SORT1: variants seen among roughly 807,000 people sequenced by gnomAD.
SORT1 encodes sortilin 1.
A neutral mutation model predicts 101.7 loss-of-function variants in SORT1; 39 were observed. The observed-to-expected ratio is 0.38, with a 90% CI of 0.30 to 0.50. The LOEUF (loss-of-function observed/expected upper bound fraction) is 0.50, where lower values mean the gene tolerates loss of function less well. Ranked by LOEUF, SORT1 falls within the 20% of genes least tolerant of loss-of-function variation. The probability of loss-of-function intolerance (pLI) is 0.90; values close to 1 mark genes in which losing one functional copy is unlikely to be tolerated. For synonymous variants in SORT1, 396 were observed against 393.7 expected, an observed-to-expected ratio of 1.01 and a Z score of -0.07; for missense variants, 878 against 1,040.4, an observed-to-expected ratio of 0.84 and a Z score of 2.15.
chr1:109,349,213 C>T (rs1260338540), intron 6 of SORT1, among the ~76,000 whole-genome samples: 1 of 151,948 alleles, frequency 6.6e-6, no homozygotes, highest in Non-Finnish European at 1.5e-5. Context: ...GGTGTGGTGG[C>T]ACATGCCTGT....
chr1:109,361,699 C>G (rs1000022847), intron 3 of SORT1, among the ~76,000 whole-genome samples: 2 of 152,172 alleles, frequency 1.3e-5, no homozygotes, highest in Non-Finnish European at 2.9e-5. Context: ...ATTGAGAAAG[C>G]TTATACAATC....
Position 109,354,499 on chromosome 1 carries a change from A to G in SORT1, c.576T>C (p.Ser192=). 2 of 1,613,640 alleles carry G rather than the reference A, an allele frequency of 1.2e-6. No individual in the cohort carries two copies. The highest frequency in any genetic ancestry group is 1.7e-6 in the Non-Finnish European group (2 of 1,179,624). ...VVLTAEVSGG[S]RGGRIFRSSD... is the part of the protein sequence containing the mutation. The stretch of plus-strand genomic sequence containing the variant: ...ATGATCTAAAGATTCTTCCTCCACG[A>G]CTTCCTCCAGACACCTCTGCTGTTA... The change falls in exon 5 of 20, where the codon AGT becomes AGC. Residue 192 remains serine (S), a synonymous_variant. Coordinates refer to ENST00000256637, the MANE Select transcript of SORT1 (RefSeq NM_002959.7).
At chr1:109,388,943 GA>G (rs1357440193) in intron 1 of SORT1, among the ~76,000 whole-genome samples, 1 of 152,194 alleles carries the variant, frequency 6.6e-6, no homozygotes, top group Admixed American at 6.5e-5. Context: ...CTTAAAAAAA[GA>G]AGAAAACCAC....
intron 14 of SORT1, among the ~76,000 whole-genome samples, chr1:109,324,301 C>CTAAAAA (rs1647839786): frequency 6.6e-6 from 1 of 152,086 alleles, no homozygotes; most frequent in Non-Finnish European, 1.5e-5. Flanking sequence ...CCTTACCTGG[C>CTAAAAA]TAATTTTTCT....
At chr1:109,344,818 T>C (rs1020304921) in intron 8 of SORT1, among the ~76,000 whole-genome samples, 2 of 152,106 alleles carry the variant, frequency 1.3e-5, no homozygotes, top group Non-Finnish European at 2.9e-5. Flanking sequence ...CACCTCAGCC[T>C]CCCAAGTAGC....
chr1:109,327,159 A>G lies in SORT1; in HGVS notation c.1476T>C (p.Gly492=). 1 of 1,611,174 alleles carries G rather than the reference A, an allele frequency of 6.2e-7. No homozygotes were observed. Among genetic ancestry groups the G allele is most frequent in the Non-Finnish European group, 8.5e-7 (1 of 1,177,932 alleles). Residue 492 remains glycine, a splice_region_variant and synonymous_variant, in exon 13 of 20, where the codon GGT becomes GGC. Transcript: ENST00000256637. ...PNAVGIVIAH[G]SVGDAISVMV... The stretch of plus-strand genomic sequence containing the variant: ...TCACTGAGATGGCATCCCCCACGCT[A>G]CCTGCAATATAATCCACCATCTCAT...
intron 1 of SORT1, among the ~76,000 whole-genome samples, chr1:109,394,692 T>C (rs1045552943): frequency 9.8e-5 from 15 of 152,340 alleles, no homozygotes; most frequent in African/African-American, 3.4e-4. Context: ...CTTTTCTTTG[T>C]ATCTTGGCAC....
Position 109,347,508 on chromosome 1 carries a change from AAAG to A in SORT1, c.804_806del (p.Phe269del), listed in dbSNP as rs1649681533. 1.2e-6 allele frequency: 2 copies of A among 1,611,242 alleles called. No homozygotes were observed. The highest frequency in any genetic ancestry group is 8.5e-7 in the Non-Finnish European group (1 of 1,177,398). ...TGCAGGAGCCATTTGCATAGGTTGT[AAAG>A]AAGATGGTGTTGTCTGATCCCCTAC... On this transcript the variant is annotated inframe_deletion, in exon 7 of 20. Transcript: ENST00000256637.
At chr1:109,336,418 A>C (rs1648832465) in intron 10 of SORT1, 72 bp from the exon 11 acceptor site, 1 of 969,272 alleles carries the variant, frequency 1.0e-6, no homozygotes, top group Non-Finnish European at 1.7e-6. Flanking sequence ...TTATCACTGC[A>C]TGACTCTCTC....
At chr1:109,384,434 T>C (rs1652448131) in intron 1 of SORT1, among the ~76,000 whole-genome samples, 1 of 152,054 alleles carries the variant, frequency 6.6e-6, no homozygotes, top group Non-Finnish European at 1.5e-5. Context: ...GAAGAGGATA[T>C]TACAAGAGGA....
At chr1:109,335,385 G>A (rs1408977781) in intron 11 of SORT1, among the ~76,000 whole-genome samples, 1 of 152,204 alleles carries the variant, frequency 6.6e-6, no homozygotes, top group Non-Finnish European at 1.5e-5. Flanking sequence ...GCAGACAGAT[G>A]GGAAACAGGG....
chr1:109,317,448 A>T (rs1282156984), intron 16 of SORT1, among the ~76,000 whole-genome samples: 2 of 152,240 alleles, frequency 1.3e-5, no homozygotes, highest in Non-Finnish European at 2.9e-5. Context: ...ATCACCAAAG[A>T]AAGTCCTATC....
At chr1:109,390,873 T>C (rs2100931765) in intron 1 of SORT1, among the ~76,000 whole-genome samples, 1 of 152,008 alleles carries the variant, frequency 6.6e-6, no homozygotes, top group South Asian at 2.1e-4. Context: ...ATAGTATTCA[T>C]AAGCCAGAGA....
chr1:109,320,390 C>T (rs1647542387), intron 15 of SORT1, among the ~76,000 whole-genome samples: 1 of 152,188 alleles, frequency 6.6e-6, no homozygotes, highest in African/African-American at 2.4e-5. Context: ...TTCCTTCCCA[C>T]TATCTCAGTG....
chr1:109,310,931 C>G lies in SORT1; in HGVS notation c.*3112G>C, dbSNP rs1019175704. The G allele has an allele frequency of 2.0e-5, 3 of 152,144 alleles. No individual in the cohort carries two copies. The highest frequency in any genetic ancestry group is 7.2e-5 in the African/African-American group (3 of 41,410). 9.4% of individuals were successfully genotyped at this position (152,144 alleles called of 1,614,324 possible). On this transcript the variant is annotated 3_prime_UTR_variant, in exon 20 of 20. Coordinates refer to ENST00000256637, the MANE Select transcript of SORT1 (RefSeq NM_002959.7). ...CAGCCTGTCAAGGATGAAAGACCAC[C>G]TTGGGCATGGAGAGGCCCAGAGGCA...
chr1:109,343,459 C>A (rs927286455), intron 8 of SORT1, among the ~76,000 whole-genome samples: 1 of 152,132 alleles, frequency 6.6e-6, no homozygotes, highest in Non-Finnish European at 1.5e-5. Context: ...TCTTTCCAAC[C>A]TTTCAGTTGT....
chr1:109,367,628 G>C lies in SORT1; in HGVS notation c.367-147C>G, dbSNP rs538540021. On this transcript the variant is annotated intron_variant, in intron 2 of 19. Coordinates refer to ENST00000256637, the MANE Select transcript of SORT1 (RefSeq NM_002959.7). Reference sequence around the variant, plus strand: ...AAGTCTAGAAGGATCTAGTTACTAGGGCTGAGAATGATGAGAAAGTCCTCA... The same window carrying C: ...AAGTCTAGAAGGATCTAGTTACTAGCGCTGAGAATGATGAGAAAGTCCTCA... The C allele has an allele frequency of 9.6e-5, 50 of 522,698 alleles. No homozygotes were observed. The East Asian group carries it at 1.5e-3, about 16-fold the overall frequency. 32.4% of individuals were successfully genotyped at this position (522,698 alleles called of 1,614,324 possible). A position where few individuals can be genotyped will look rare whatever the true frequency, so the allele number is the denominator to read the frequency against.
At chr1:109,381,640 C>T (rs1652242214) in intron 1 of SORT1, among the ~76,000 whole-genome samples, 1 of 152,068 alleles carries the variant, frequency 6.6e-6, no homozygotes. Context: ...GAGGATGAGG[C>T]AGAACAATTG....
At chr1:109,358,849 T>C (rs1650514761) in intron 3 of SORT1, among the ~76,000 whole-genome samples, 2 of 147,014 alleles carry the variant, frequency 1.4e-5, no homozygotes, top group African/African-American at 5.1e-5. Context: ...TGAGACTCCG[T>C]CTTAAAAAAA....
Sources: allele counts gnomAD v4.1 joint callset (sites outside exome capture counted in the v4.1 genomes callset), GRCh38; gene constraint gnomAD v4.1.1; transcripts MANE v1.5; gene names NCBI Gene and HGNC (gene_info 2026-07-23, HGNC 2026-07-21).